The following EEA1 variants were observed in gnomAD, a reference collection of about 807,000 sequenced individuals.
EEA1 encodes early endosome antigen 1.
EEA1 carries 111 observed loss-of-function variants against 209.2 expected under a neutral mutation model. The observed-to-expected ratio is 0.53, with a 90% CI of 0.45 to 0.62. The LOEUF (loss-of-function observed/expected upper bound fraction) is 0.62, where lower values mean the gene tolerates loss of function less well. Among genes scored for constraint, EEA1 ranks in the 20% least tolerant of loss-of-function variants. The pLI is 0.00. For missense variants in EEA1, 1,343 were observed against 1,530.8 expected (o/e 0.88, Z 2.05); for synonymous variants, 536 against 540.6 (o/e 0.99, Z 0.12).
intron 1 of EEA1, among the ~76,000 whole-genome samples, chr12:92,913,807 T>A (rs934670258): frequency 1.3e-5 from 2 of 152,180 alleles, no homozygotes; most frequent in East Asian, 3.8e-4. Context: ...ATTACAGGCA[T>A]GTGCCACCAC....
chr12:92,870,815 T>C (rs1878609356), intron 2 of EEA1, among the ~76,000 whole-genome samples: 1 of 152,062 alleles, frequency 6.6e-6, no homozygotes, highest in Non-Finnish European at 1.5e-5. Flanking sequence ...TAGCTAGAAT[T>C]ACAGGCACAT....
At position 92,812,922 on chromosome 12, in the gene EEA1, AATTT is replaced by A. The variant is rs202071326; in HGVS notation, c.2043+54_2043+57del. The A allele has an allele frequency of 1.8e-3, 2,226 of 1,215,534 alleles. 37 individuals are homozygous for A. In the African/African-American group the frequency reaches 0.027, roughly 15 times the overall value. 75.3% of individuals were successfully genotyped at this position (1,215,534 alleles called of 1,614,324 possible). On this transcript the variant is annotated intron_variant, in intron 16 of 28. Transcript: ENST00000322349. ...CTGGGTATCATCTTTACATGTTTGC[AATTT>A]ATTTATCTACCAAAGCACTAGGTGA...
chr12:92,812,738 A>G (rs1013281168), intron 16 of EEA1, among the ~76,000 whole-genome samples: 1 of 152,204 alleles, frequency 6.6e-6, no homozygotes, highest in Non-Finnish European at 1.5e-5. Flanking sequence ...GAGAAGGACA[A>G]TATCAGGAAA....
rs371659817 is a variant in EEA1, at chr12:92,847,102, G to A, written c.798+4009C>T. ...CAAGTAGCTGGGATTACAGGCATGC[G>A]CCACCACACACCCGGCTAATTTTTT... On this transcript the variant is annotated intron_variant, in intron 9 of 28. Transcript: ENST00000322349. Among the ~76,000 whole-genome samples, 28 of 152,034 alleles carry A rather than the reference G, an allele frequency of 1.8e-4. No homozygotes were observed. The South Asian group carries it at 5.2e-3, about 28-fold the overall frequency.
intron 21 of EEA1, among the ~76,000 whole-genome samples, chr12:92,789,073 T>C (rs1874267596): frequency 6.6e-6 from 1 of 151,984 alleles, no homozygotes; most frequent in Non-Finnish European, 1.5e-5. Flanking sequence ...GGTGATCACC[T>C]GAGGTCAGGA....
intron 18 of EEA1, among the ~76,000 whole-genome samples, chr12:92,804,699 T>C (rs997099141): frequency 9.9e-5 from 15 of 151,660 alleles, no homozygotes; most frequent in African/African-American, 3.6e-4. Context: ...GAAAATATAT[T>C]AAACTGCAGA....
chr12:92,804,089 T>G (rs984341861), intron 18 of EEA1, among the ~76,000 whole-genome samples: 2 of 152,064 alleles, frequency 1.3e-5, no homozygotes, highest in African/African-American at 2.4e-5. Context: ...GAGGAACAAA[T>G]TGGCAAGAAT....
chr12:92,868,620 T>C (rs1267428200), intron 2 of EEA1, among the ~76,000 whole-genome samples: 2 of 152,228 alleles, frequency 1.3e-5, no homozygotes, highest in Non-Finnish European at 2.9e-5. Context: ...AAATGATTCA[T>C]TCCTAATGAG....
At chr12:92,854,450 A>G (rs1877777343) in intron 5 of EEA1, among the ~76,000 whole-genome samples, 1 of 152,298 alleles carries the variant, frequency 6.6e-6, no homozygotes, top group African/African-American at 2.4e-5. Context: ...GTTAGACCCC[A>G]TATGTGAGAA....
Position 92,794,362 on chromosome 12 carries a change from C to T in EEA1, c.2967+4530G>A, listed in dbSNP as rs550578684. Among the ~76,000 whole-genome samples the T allele has an allele frequency of 2.0e-5, 3 of 152,296 alleles. No homozygotes were observed. The South Asian group carries it at 6.2e-4, about 32-fold the overall frequency. On this transcript the variant is annotated intron_variant, in intron 21 of 28. Transcript: ENST00000322349. ...CTAGAACTAGAAATACCATTTGACCCAGCAATCCCATTACTGGGTAAATAT... is the reference window on the plus strand; with the variant it reads ...CTAGAACTAGAAATACCATTTGACCTAGCAATCCCATTACTGGGTAAATAT...
intron 1 of EEA1, among the ~76,000 whole-genome samples, chr12:92,893,272 T>C (rs186607195): frequency 5.9e-5 from 9 of 152,328 alleles, no homozygotes; most frequent in Admixed American, 3.3e-4. Flanking sequence ...AAAATATATA[T>C]GGTATATGCT....
chr12:92,831,247 C>T (rs1330978283), intron 11 of EEA1, among the ~76,000 whole-genome samples: 1 of 151,762 alleles, frequency 6.6e-6, no homozygotes, highest in Non-Finnish European at 1.5e-5. Flanking sequence ...ACCTGAATAT[C>T]CCCCAATTTC....
At chr12:92,832,296 C>T (rs1876688303) in intron 11 of EEA1, among the ~76,000 whole-genome samples, 1 of 151,948 alleles carries the variant, frequency 6.6e-6, no homozygotes, top group Non-Finnish European at 1.5e-5. Flanking sequence ...AACATTTCCC[C>T]ACAAAGCTGT....
chr12:92,815,100 T>C (rs1169985646), intron 15 of EEA1, among the ~76,000 whole-genome samples: 1 of 152,182 alleles, frequency 6.6e-6, no homozygotes. Context: ...GAAGTTAAAG[T>C]AGTTTTGAAA....
In EEA1 at chr12:92,876,152, G is replaced by A. The variant is rs185301003; in HGVS notation, c.118-11165C>T. ...AGTGGCAGAATCATGATTAACTTGC[G>A]GCCTCGAACTGCTGGGCTCAAGCGA... On this transcript the variant is annotated intron_variant, in intron 2 of 28. Transcript: ENST00000322349. Among the ~76,000 whole-genome samples the A allele has an allele frequency of 6.6e-5, 10 of 151,986 alleles. No homozygotes were observed. The East Asian group carries it at 1.2e-3, about 18-fold the overall frequency.
chr12:92,822,383 G>A (rs183174983), intron 13 of EEA1, among the ~76,000 whole-genome samples: 68 of 151,856 alleles, frequency 4.5e-4, no homozygotes, highest in Middle Eastern at 3.4e-3. Context: ...CTCATTAATC[G>A]ACAATCAGAT....
At chr12:92,883,689 G>A in intron 2 of EEA1, 1 of 735,306 alleles carries the variant, frequency 1.4e-6, no homozygotes, top group Non-Finnish European at 2.3e-6. Flanking sequence ...TAAGAATACA[G>A]TGAGACACGT....
At chr12:92,807,285 G>A (rs1875261234) in intron 18 of EEA1, among the ~76,000 whole-genome samples, 1 of 152,002 alleles carries the variant, frequency 6.6e-6, no homozygotes, top group African/African-American at 2.4e-5. Context: ...GGTATCAAAG[G>A]TAATGTCTTC....
intron 25 of EEA1, 101 bp from the exon 26 acceptor site, chr12:92,778,280 G>C: frequency 1.2e-6 from 1 of 839,714 alleles, no homozygotes. Flanking sequence ...TTGCTTCTTC[G>C]GGAATGGAGG....
Sources: allele counts gnomAD v4.1 joint callset (sites outside exome capture counted in the v4.1 genomes callset), GRCh38; gene constraint gnomAD v4.1.1; transcripts MANE v1.5; gene names NCBI Gene and HGNC (gene_info 2026-07-23, HGNC 2026-07-21).